GFOD1: variants seen among roughly 807,000 people sequenced by gnomAD.
GFOD1 encodes the protein Gfo/Idh/MocA-like oxidoreductase domain containing 1.
GFOD1 carries 9 observed loss-of-function variants against 25.4 expected under a neutral mutation model. The ratio of observed to expected loss-of-function variants is 0.35; its 90% CI spans 0.21 to 0.62. The LOEUF is 0.62. GFOD1 is among the 20% of genes least tolerant of loss of function. The pLI, the probability that GFOD1 is intolerant of heterozygous loss-of-function variation, is 0.72. For synonymous variants in GFOD1, 253 were observed against 245.6 expected, an observed-to-expected ratio of 1.03 and a Z score of -0.28; for missense variants, 403 against 556.9, an observed-to-expected ratio of 0.72 and a Z score of 2.78.
rs1231159143 is a variant in GFOD1, at chr6:13,360,728, C to T, written c.*4015G>A. On this transcript the variant is annotated 3_prime_UTR_variant, in exon 2 of 2. Transcript: ENST00000379287. ...GCAGAACATCAGATGTTGCATCCTG[C>T]TGAACAGGAGGGTGCTGACAGCAGG... 1.5e-5 allele frequency: 7 copies of T among 456,658 alleles called. No homozygotes were observed. The East Asian group carries it at 4.9e-4, about 32-fold the overall frequency. 28.3% of individuals were successfully genotyped at this position (456,658 alleles called of 1,614,324 possible).
At chr6:13,388,784 G>T (rs2127560539) in intron 1 of GFOD1, among the ~76,000 whole-genome samples, 1 of 152,284 alleles carries the variant, frequency 6.6e-6, no homozygotes, top group African/African-American at 2.4e-5. Flanking sequence ...AAACTGAAAA[G>T]TTTCTGCACA....
chr6:13,407,320 C>A (rs1584633290), intron 1 of GFOD1, among the ~76,000 whole-genome samples: 2 of 152,120 alleles, frequency 1.3e-5, no homozygotes, highest in African/African-American at 4.8e-5. Flanking sequence ...AATAGATGAC[C>A]CCACCATTTG....
intron 1 of GFOD1, among the ~76,000 whole-genome samples, chr6:13,410,881 C>T (rs994782515): frequency 1.3e-5 from 2 of 152,082 alleles, no homozygotes; most frequent in African/African-American, 4.8e-5. Context: ...AACACCTTAC[C>T]CCTCACCCTC....
intron 1 of GFOD1, among the ~76,000 whole-genome samples, chr6:13,384,932 T>C (rs537362481): frequency 2.4e-4 from 36 of 152,310 alleles, no homozygotes; most frequent in African/African-American, 8.4e-4. Flanking sequence ...GAATCTATTA[T>C]CATTTCATCT....
chr6:13,486,823 T>A lies in GFOD1; in HGVS notation c.68A>T (p.Asp23Val). 6.2e-7 allele frequency: 1 copy of A among 1,613,842 alleles called. No homozygotes were observed. The highest frequency in any genetic ancestry group is 8.5e-7 in the Non-Finnish European group (1 of 1,179,966). Residue 23 changes from aspartate (D) to valine (V), a missense_variant, in exon 1 of 2, where the codon GAC (aspartate) becomes GTC (valine). Coordinates refer to ENST00000379287, the MANE Select transcript of GFOD1 (RefSeq NM_018988.4). ...TARVIIPLLK[D>V]EGFAVKALWG... ...CAGCGCCTTCACCGCGAAGCCCTCG[T>A]CTTTCAGCAGCGGGATGATGACACG...
chr6:13,357,969 G>A lies in GFOD1; in HGVS notation c.*6774C>T, dbSNP rs550996471. 9 of 152,398 alleles carry A rather than the reference G, an allele frequency of 5.9e-5. No individual in the cohort carries two copies. Among genetic ancestry groups the A allele is most frequent in the African/African-American group, 2.2e-4 (9 of 41,584 alleles). 9.4% of individuals were successfully genotyped at this position (152,398 alleles called of 1,614,324 possible). A position where few individuals can be genotyped will look rare whatever the true frequency, so the allele number is the denominator to read the frequency against. Reference sequence around the variant, plus strand: ...ATGCTGACCGCTGGCTCCGAGCATCGAGCATCGCAGAGATCACAACGGGCA... The same window carrying A: ...ATGCTGACCGCTGGCTCCGAGCATCAAGCATCGCAGAGATCACAACGGGCA... On this transcript the variant is annotated 3_prime_UTR_variant, in exon 2 of 2. Transcript: ENST00000379287.
In GFOD1 at chr6:13,464,260, G is replaced by A. The variant is rs139639341; in HGVS notation, c.253+22378C>T. Among the ~76,000 whole-genome samples the A allele has an allele frequency of 3.1e-3, 465 of 152,272 alleles. 6 individuals are homozygous for A. The highest frequency in any genetic ancestry group is 0.01 in the African/African-American group (431 of 41,532). Reference sequence around the variant, plus strand: ...GGACACACAGCCAGGCAAGTGGAAGGCTCCAGACGTTCATCTGGGTTCCAG... The same window carrying A: ...GGACACACAGCCAGGCAAGTGGAAGACTCCAGACGTTCATCTGGGTTCCAG... On this transcript the variant is annotated intron_variant, in intron 1 of 1. Transcript: ENST00000379287.
At chr6:13,461,778 T>C (rs1045749903) in intron 1 of GFOD1, among the ~76,000 whole-genome samples, 1 of 152,178 alleles carries the variant, frequency 6.6e-6, no homozygotes, top group Non-Finnish European at 1.5e-5. Context: ...GGCTCAGCTC[T>C]TTCCAGAAAA....
chr6:13,484,615 A>G (rs958446910), intron 1 of GFOD1, among the ~76,000 whole-genome samples: 3 of 152,252 alleles, frequency 2.0e-5, no homozygotes, highest in Non-Finnish European at 4.4e-5. Flanking sequence ...TGAAGAGGTA[A>G]CAGACATGTC....
intron 1 of GFOD1, among the ~76,000 whole-genome samples, chr6:13,401,731 A>G (rs1013718954): frequency 2.6e-5 from 4 of 152,208 alleles, no homozygotes; most frequent in Non-Finnish European, 5.9e-5. Flanking sequence ...CCTAATATTG[A>G]TAAGACAGTA....
At chr6:13,483,223 G>A (rs148273643) in intron 1 of GFOD1, among the ~76,000 whole-genome samples, 47 of 152,018 alleles carry the variant, frequency 3.1e-4, no homozygotes, top group Admixed American at 1.3e-3. Context: ...AGGGTGGGGG[G>A]TTTGAGGGAG....
chr6:13,388,760 A>T (rs1785526743), intron 1 of GFOD1, among the ~76,000 whole-genome samples: 1 of 152,222 alleles, frequency 6.6e-6, no homozygotes, highest in Admixed American at 6.5e-5. Flanking sequence ...AACATTGACA[A>T]ATGGGATCTA....
chr6:13,381,908 C>A (rs73723290), intron 1 of GFOD1, among the ~76,000 whole-genome samples: 1 of 95,522 alleles, frequency 1.0e-5, no homozygotes, highest in African/African-American at 4.0e-5. Flanking sequence ...AACACACACG[C>A]GCGCGCGCAC....
chr6:13,414,380 G>A (rs1281742855), intron 1 of GFOD1, among the ~76,000 whole-genome samples: 1 of 152,258 alleles, frequency 6.6e-6, no homozygotes, highest in Admixed American at 6.5e-5. Flanking sequence ...CCAGCGCCCT[G>A]CAAATCCAAC....
intron 1 of GFOD1, among the ~76,000 whole-genome samples, chr6:13,413,913 T>C (rs1366106798): frequency 2.6e-5 from 4 of 152,194 alleles, no homozygotes; most frequent in Admixed American, 1.3e-4. Flanking sequence ...AGATGCCTGA[T>C]ATAAAGAGGC....
rs1785002197 is a variant in GFOD1, at chr6:13,364,586, C to T, written c.*157G>A. ...AACAGTCTGGTTTGGGGTCGGTCAC[C>T]GGGATTGGAGTTTACCTTCCTAGAT... On this transcript the variant is annotated 3_prime_UTR_variant, in exon 2 of 2. Transcript: ENST00000379287. This position sits in a 1 kb window ranked among gnomAD's most constrained non-coding sequence, Gnocchi z 4.1. 4 of 664,194 alleles carry T rather than the reference C, an allele frequency of 6.0e-6. No individual in the cohort carries two copies. Among genetic ancestry groups the T allele is most frequent in the Admixed American group, 5.8e-5 (2 of 34,326 alleles). The allele number at this position is 664,194 out of a possible 1,614,324, so 41.1% of individuals were successfully genotyped here.
At chr6:13,481,741 T>C (rs1034577017) in intron 1 of GFOD1, among the ~76,000 whole-genome samples, 3 of 152,240 alleles carry the variant, frequency 2.0e-5, no homozygotes, top group Non-Finnish European at 4.4e-5. Context: ...AGACGCTTGC[T>C]GGGAGAGGCA....
rs1398076505 is a variant in GFOD1 at position 13,430,396 on chromosome 6, C to T, written c.253+56242G>A. 6.6e-6 allele frequency among the ~76,000 whole-genome samples: 1 copy of T among 152,126 alleles called. No homozygotes were observed. Among genetic ancestry groups the T allele is most frequent in the East Asian group, 1.9e-4 (1 of 5,194 alleles). ...AGGTTGCAGTGATCCGAGATCACACCACTGCACTCCAGCCTGGGTGACAGA... is the reference window on the plus strand; with the variant it reads ...AGGTTGCAGTGATCCGAGATCACACTACTGCACTCCAGCCTGGGTGACAGA... On this transcript the variant is annotated intron_variant, in intron 1 of 1. Coordinates refer to ENST00000379287, the MANE Select transcript of GFOD1 (RefSeq NM_018988.4). The surrounding 1 kb of genome is among the most constrained non-coding windows in gnomAD (Gnocchi z 4.1).
At chr6:13,407,832 CA>C in intron 1 of GFOD1, 1 of 422,658 alleles carries the variant, frequency 2.4e-6, no homozygotes, top group Non-Finnish European at 3.2e-6. Context: ...ATTGCAAACA[CA>C]AACCCTTTGT....
Sources: gnomAD v4.1 joint callset for allele counts (sites outside exome capture counted in the v4.1 genomes callset) on GRCh38, gnomAD v4.1.1 for gene constraint, Gnocchi (gnomAD v3.1) non-coding constraint, MANE v1.5 for transcripts, NCBI Gene and HGNC (gene_info 2026-07-23, HGNC 2026-07-21) for gene names.